BDKRB2: variants seen among roughly 807,000 people sequenced by gnomAD.
The protein encoded by BDKRB2 is B2 bradykinin receptor.
A neutral mutation model predicts 4.0 loss-of-function variants in BDKRB2; 6 were observed. The observed-to-expected ratio is 1.49, with a 90% CI of 0.81 to 2.93. The LOEUF (loss-of-function observed/expected upper bound fraction) is 2.93, where lower values mean the gene tolerates loss of function less well. BDKRB2 is among the 30% of genes most tolerant of loss of function. The pLI is 0.00. For synonymous variants in BDKRB2, 225 were observed against 215.3 expected (o/e 1.05, Z -0.40); for missense variants, 478 against 520.1 (o/e 0.92, Z 0.79).
chr14:96,231,856 G>A (rs965660797), intron 1 of BDKRB2, among the ~76,000 whole-genome samples: 2 of 152,206 alleles, frequency 1.3e-5, no homozygotes, highest in Non-Finnish European at 2.9e-5. Flanking sequence ...ACGCATGCAC[G>A]CACACCATGT....
chr14:96,229,380 G>A lies in BDKRB2; in HGVS notation c.-39-7689G>A, dbSNP rs1053851981. Among the ~76,000 whole-genome samples, 28 of 152,088 alleles carry A rather than the reference G, an allele frequency of 1.8e-4. No homozygotes were observed. In the South Asian group the frequency reaches 2.7e-3, roughly 15 times the overall value. ...GGGATGACTAGGCAAGTCAGAAGTCGCTTGGGAATGCCAGAACACTCAGCC... is the reference window on the plus strand; with the variant it reads ...GGGATGACTAGGCAAGTCAGAAGTCACTTGGGAATGCCAGAACACTCAGCC... On this transcript the variant is annotated intron_variant, in intron 1 of 2. Transcript: ENST00000554311.
chr14:96,209,147 G>A (rs74086533), intron 1 of BDKRB2, among the ~76,000 whole-genome samples: 5,512 of 152,276 alleles, frequency 0.036, 322 homozygotes, highest in African/African-American at 0.12. Flanking sequence ...GCAGGTGCGG[G>A]GGTCCTGCTC....
rs1171784197 is a variant in BDKRB2 at position 96,243,158 on chromosome 14, CCTGGAGGGCTAGAAT to C, written c.*1661_*1675del. 3 of 149,848 alleles carry C rather than the reference CCTGGAGGGCTAGAAT, an allele frequency of 2.0e-5. No homozygotes were observed. The highest frequency in any genetic ancestry group is 5.2e-5 in the African/African-American group (2 of 38,724). 9.3% of individuals were successfully genotyped at this position (149,848 alleles called of 1,614,324 possible). ...AGAGCTAGAACCTGGAGGGCTAGAA[CCTGGAGGGCTAGAAT>C]CTGGAGAGCTAGAACCTGGAGGGCT... On this transcript the variant is annotated 3_prime_UTR_variant, in exon 3 of 3. Transcript: ENST00000554311.
intron 1 of BDKRB2, among the ~76,000 whole-genome samples, chr14:96,235,822 C>A (rs1274376400): frequency 2.0e-5 from 3 of 152,066 alleles, no homozygotes; most frequent in African/African-American, 4.8e-5. Context: ...CATGCACACA[C>A]ACACACACAC....
rs190252872 is a variant in BDKRB2, at chr14:96,224,597, G to A, written c.-39-12472G>A. Among the ~76,000 whole-genome samples the A allele has an allele frequency of 4.7e-4, 72 of 152,306 alleles. 1 individual carries two copies. Among genetic ancestry groups the A allele is most frequent in the African/African-American group, 1.6e-3 (66 of 41,574 alleles). On this transcript the variant is annotated intron_variant, in intron 1 of 2. Coordinates refer to ENST00000554311, the MANE Select transcript of BDKRB2 (RefSeq NM_001379692.1). ...TGCCCTAGGTCTTCCAGTCAGTGGA[G>A]GCAAAGCCAAGACATGTCCCGAGTT... is the stretch of plus-strand genomic sequence containing the variant.
chr14:96,240,721 C>T lies in BDKRB2; in HGVS notation c.393C>T (p.Arg131=), dbSNP rs1406587452. The part of the protein sequence containing the change: ...FDWLFGETLC[R]VVNAIISMNL... ...GGCTCTTTGGGGAGACGCTCTGCCG[C>T]GTGGTGAATGCCATTATCTCCATGA... Residue 131 remains arginine (R), a synonymous_variant, in exon 3 of 3, where the codon CGC becomes CGT. Transcript: ENST00000554311. The T allele has an allele frequency of 2.5e-6, 4 of 1,600,906 alleles. No individual in the cohort carries two copies. Among genetic ancestry groups the T allele is most frequent in the African/African-American group, 1.3e-5 (1 of 74,698 alleles).
rs1322360426 is a variant in BDKRB2 at position 96,237,542 on chromosome 14, C to A, written c.74+361C>A. 3.3e-5 allele frequency among the ~76,000 whole-genome samples: 5 copies of A among 152,314 alleles called. No individual in the cohort carries two copies. In the South Asian group the frequency reaches 1.0e-3, roughly 32 times the overall value. ...TGCCTTGGAGACAAAATATCTCCAA[C>A]ACATGGCTGACATTTGGTGGGAGAT... On this transcript the variant is annotated intron_variant, in intron 2 of 2. Transcript: ENST00000554311.
intron 1 of BDKRB2, chr14:96,223,412 G>C: frequency 1.4e-6 from 1 of 730,978 alleles, no homozygotes; most frequent in Non-Finnish European, 2.5e-6. Flanking sequence ...ACATCTTTCT[G>C]ATAACATTAT....
chr14:96,237,465 G>A (rs754326965), intron 2 of BDKRB2, among the ~76,000 whole-genome samples: 1 of 152,208 alleles, frequency 6.6e-6, no homozygotes, highest in African/African-American at 2.4e-5. Flanking sequence ...GAAGGGAAGA[G>A]AGTTAAACAT....
intron 1 of BDKRB2, among the ~76,000 whole-genome samples, chr14:96,227,070 T>A (rs1048227674): frequency 2.0e-5 from 3 of 152,286 alleles, no homozygotes; most frequent in Non-Finnish European, 1.5e-5. Flanking sequence ...GGCATTGCCT[T>A]GCCGTGTGGC....
At chr14:96,212,023 A>G (rs1890315166) in intron 1 of BDKRB2, among the ~76,000 whole-genome samples, 1 of 152,138 alleles carries the variant, frequency 6.6e-6, no homozygotes, top group Admixed American at 6.5e-5. Flanking sequence ...AAAGCTCAGA[A>G]GATGTCTGGA....
chr14:96,212,301 A>C (rs181327635), intron 1 of BDKRB2, among the ~76,000 whole-genome samples: 2 of 152,364 alleles, frequency 1.3e-5, no homozygotes, highest in Non-Finnish European at 2.9e-5. Context: ...ACAACTAACT[A>C]TAAGAACACT....
intron 1 of BDKRB2, among the ~76,000 whole-genome samples, chr14:96,216,368 T>C (rs1765894738): frequency 6.6e-6 from 1 of 152,048 alleles, no homozygotes; most frequent in African/African-American, 2.4e-5. Flanking sequence ...TGGTAGCTCA[T>C]GCCTGTAAAT....
intron 1 of BDKRB2, among the ~76,000 whole-genome samples, chr14:96,225,709 G>C (rs1007924758): frequency 2.6e-5 from 4 of 152,172 alleles, no homozygotes; most frequent in African/African-American, 9.7e-5. Flanking sequence ...CCTCTGGCCT[G>C]CTTGCTGGGC....
At chr14:96,212,695 T>C (rs1890328733) in intron 1 of BDKRB2, among the ~76,000 whole-genome samples, 2 of 152,206 alleles carry the variant, frequency 1.3e-5, no homozygotes, top group Non-Finnish European at 2.9e-5. Context: ...CAGTCTTCAC[T>C]GGGGGAATGC....
At chr14:96,208,632 G>C (rs1283562728) in intron 1 of BDKRB2, among the ~76,000 whole-genome samples, 2 of 152,190 alleles carry the variant, frequency 1.3e-5, no homozygotes, top group Non-Finnish European at 2.9e-5. Flanking sequence ...GCCTGGGGCG[G>C]TCACAGAGGT....
At chr14:96,206,163 A>G (rs577873099) in intron 1 of BDKRB2, among the ~76,000 whole-genome samples, 7 of 152,124 alleles carry the variant, frequency 4.6e-5, no homozygotes, top group Non-Finnish European at 8.8e-5. Flanking sequence ...GAGACATTCC[A>G]CAGTTGTGAG....
intron 1 of BDKRB2, among the ~76,000 whole-genome samples, chr14:96,207,487 A>G (rs1354191503): frequency 2.6e-5 from 4 of 152,180 alleles, no homozygotes; most frequent in Non-Finnish European, 2.9e-5. Context: ...GAGCCCAGAG[A>G]CTTTTAGGGC....
intron 2 of BDKRB2, chr14:96,238,730 A>T: frequency 1.0e-6 from 1 of 983,658 alleles, no homozygotes; most frequent in Non-Finnish European, 1.2e-6. Flanking sequence ...TCCCGTCAAA[A>T]TGCTTCTTAT....
Sources: allele counts gnomAD v4.1 joint callset (sites outside exome capture counted in the v4.1 genomes callset), GRCh38; gene constraint gnomAD v4.1.1; transcripts MANE v1.5; gene names NCBI Gene and HGNC (gene_info 2026-07-23, HGNC 2026-07-21).